The following NNT variants were observed in gnomAD, a reference collection of about 807,000 sequenced individuals.
The protein encoded by NNT is NAD(P) transhydrogenase, mitochondrial.
In NNT, 50 loss-of-function variants were observed where a neutral mutation model predicts 104.8. The observed-to-expected ratio is 0.48, with a 90% CI of 0.38 to 0.60. The LOEUF is 0.60. NNT is among the 20% of genes least tolerant of loss of function. The pLI is 0.00. For missense variants in NNT, 1,131 were observed against 1,330.7 expected (o/e 0.85, Z 2.33); for synonymous variants, 461 against 490.4 (o/e 0.94, Z 0.79).
rs751327935 is a variant in NNT, at chr5:43,700,214, A to G, written c.2972A>G (p.Asp991Gly). ...CCATATGACATTGTGTTGGAAATGG[A>G]TGAGATCAACCATGATTTTCCAGGT... ...GVPYDIVLEMDEINHDFPDTD... is the reference protein window; with the variant it reads ...GVPYDIVLEMGEINHDFPDTD... Residue 991 changes from aspartate (D) to glycine (G), a missense_variant, in exon 20 of 22, where the codon GAT becomes GGT. Transcript: ENST00000344920. 6.2e-7 allele frequency: 1 copy of G among 1,612,938 alleles called. No individual in the cohort carries two copies. Among genetic ancestry groups the G allele is most frequent in the Non-Finnish European group, 8.5e-7 (1 of 1,179,152 alleles).
At chr5:43,667,840 C>A (rs1262500168) in intron 17 of NNT, among the ~76,000 whole-genome samples, 1 of 152,200 alleles carries the variant, frequency 6.6e-6, no homozygotes, top group Non-Finnish European at 1.5e-5. Flanking sequence ...TGAGGAATCG[C>A]CACACTGTCT....
intron 19 of NNT, among the ~76,000 whole-genome samples, chr5:43,679,346 TAGAG>T (rs1302992855): frequency 6.6e-6 from 1 of 152,212 alleles, no homozygotes; most frequent in Non-Finnish European, 1.5e-5. Flanking sequence ...GCAATCATAA[TAGAG>T]AAAGAAAAAT....
intron 19 of NNT, among the ~76,000 whole-genome samples, chr5:43,693,890 G>T (rs1029822692): frequency 2.6e-5 from 4 of 152,062 alleles, no homozygotes; most frequent in African/African-American, 9.7e-5. Context: ...CTGAAGGAAG[G>T]GATGCTGGAT....
chr5:43,609,776 G>T (rs1749410803), intron 2 of NNT, among the ~76,000 whole-genome samples: 1 of 152,166 alleles, frequency 6.6e-6, no homozygotes, highest in Non-Finnish European at 1.5e-5. Flanking sequence ...GATTGCAGTT[G>T]CTCAGGTCAG....
intron 19 of NNT, among the ~76,000 whole-genome samples, chr5:43,689,879 T>G (rs1483834352): frequency 6.6e-6 from 1 of 152,064 alleles, no homozygotes; most frequent in Non-Finnish European, 1.5e-5. Context: ...GCTTTGAGTG[T>G]TTCAGCAATA....
intron 17 of NNT, among the ~76,000 whole-genome samples, chr5:43,675,192 G>C (rs977084686): frequency 2.0e-5 from 3 of 152,078 alleles, no homozygotes; most frequent in Non-Finnish European, 4.4e-5. Context: ...CATTCAGACA[G>C]TAATAAATAG....
chr5:43,623,160 A>G (rs1750183743), intron 5 of NNT, among the ~76,000 whole-genome samples: 1 of 152,172 alleles, frequency 6.6e-6, no homozygotes, highest in Non-Finnish European at 1.5e-5. Context: ...ACTGGAGCAC[A>G]GTCTGACTAG....
intron 7 of NNT, among the ~76,000 whole-genome samples, chr5:43,630,030 G>T (rs567024197): frequency 1.3e-3 from 205 of 152,234 alleles, no homozygotes; most frequent in Middle Eastern, 3.4e-3. Flanking sequence ...CTGGTTCTTG[G>T]TCATGAACTC....
chr5:43,626,243 A>G (rs1010762804), intron 6 of NNT, among the ~76,000 whole-genome samples: 2 of 152,126 alleles, frequency 1.3e-5, no homozygotes, highest in Non-Finnish European at 2.9e-5. Flanking sequence ...TATAACAACT[A>G]TTTACATAAC....
chr5:43,659,641 T>C (rs562186700), intron 17 of NNT, among the ~76,000 whole-genome samples: 1 of 152,010 alleles, frequency 6.6e-6, no homozygotes, highest in Non-Finnish European at 1.5e-5. Flanking sequence ...AGGCAGAGAA[T>C]TGCTTGAACC....
chr5:43,648,304 C>T (rs989831441), intron 10 of NNT: 1 of 958,080 alleles, frequency 1.0e-6, no homozygotes, highest in African/African-American at 1.7e-5. Flanking sequence ...AAAAAGGTAC[C>T]TTATTCAGGA....
At chr5:43,606,945 G>A (rs767415629) in intron 1 of NNT, among the ~76,000 whole-genome samples, 9 of 151,896 alleles carry the variant, frequency 5.9e-5, no homozygotes, top group African/African-American at 9.7e-5. Flanking sequence ...TTTTAAAGAT[G>A]TTTCTTCAAG....
Position 43,702,688 on chromosome 5 carries a change from C to A in NNT, c.3063C>A (p.Asn1021Lys), listed in dbSNP as rs1410518916. The A allele has an allele frequency of 6.2e-7, 1 of 1,612,716 alleles. No homozygotes were observed. Among genetic ancestry groups the A allele is most frequent in the African/African-American group, 1.3e-5 (1 of 74,870 alleles). The change falls in exon 21 of 22, where the codon AAC becomes AAA. Residue 1021 changes from asparagine to lysine, a missense_variant. Coordinates refer to ENST00000344920, the MANE Select transcript of NNT (RefSeq NM_182977.3). ...TVNSAAQEDP[N>K]SIIAGMPVLE... ...ATTCAGCAGCTCAAGAAGATCCCAA[C>A]TCTATTATTGCAGGCATGCCAGTCC...
chr5:43,663,758 A>T (rs1267119693), intron 17 of NNT, among the ~76,000 whole-genome samples: 1 of 152,210 alleles, frequency 6.6e-6, no homozygotes, highest in Non-Finnish European at 1.5e-5. Flanking sequence ...GGTAGGAAAT[A>T]TTATTCTCAT....
intron 7 of NNT, among the ~76,000 whole-genome samples, chr5:43,635,883 TA>T (rs1329606157): frequency 1.3e-5 from 2 of 152,184 alleles, no homozygotes; most frequent in Non-Finnish European, 2.9e-5. Flanking sequence ...TATTGGGGGT[TA>T]GGGCGTCAAC....
rs748186238 is a variant in NNT at position 43,649,359 on chromosome 5, A to G, written c.1606+51A>G. 16 of 1,587,750 alleles carry G rather than the reference A, an allele frequency of 1.0e-5. No individual in the cohort carries two copies. The Middle Eastern group carries it at 5.0e-4, about 50-fold the overall frequency. ...ATCTCAGGTTTTCATAGGGTTACTC[A>G]GCTCTAGGAGGACTATCAATGCCGT... On this transcript the variant is annotated intron_variant, in intron 11 of 21. Transcript: ENST00000344920.
chr5:43,699,972 C>G lies in NNT; in HGVS notation c.2877-147C>G, dbSNP rs899988716. ...GTAAATTGACTATATATCTGGACTA[C>G]TGCTGTTTCATTCTGTAGAGATCAG... On this transcript the variant is annotated intron_variant, in intron 19 of 21. Coordinates refer to ENST00000344920, the MANE Select transcript of NNT (RefSeq NM_182977.3). 3 of 539,452 alleles carry G rather than the reference C, an allele frequency of 5.6e-6. No homozygotes were observed. In the Admixed American group the frequency reaches 8.8e-5, roughly 16 times the overall value. 33.4% of individuals were successfully genotyped at this position (539,452 alleles called of 1,614,324 possible).
At chr5:43,700,078 C>T (rs1742770065) in intron 19 of NNT, 41 bp from the exon 20 acceptor site, 10 of 1,502,182 alleles carry the variant, frequency 6.7e-6, no homozygotes, top group Middle Eastern at 1.7e-4. Flanking sequence ...TACATTATGT[C>T]CTGTCAAGTA....
rs139937233 is a variant in NNT at position 43,609,333 on chromosome 5, G to T, written c.138G>T (p.Ala46=). The change falls in exon 2 of 22, where the codon GCG becomes GCT. Residue 46 remains alanine, a synonymous_variant. Coordinates refer to ENST00000344920, the MANE Select transcript of NNT (RefSeq NM_182977.3). ...CTCACCAAGAACTGTGGTGTAAAGC[G>T]CCTGTAAAACCAGGTAAAGTCTCAC... ...FYTHQELWCK[A]PVKPGIPYKQ... The T allele has an allele frequency of 3.7e-6, 6 of 1,613,578 alleles. No homozygotes were observed. The highest frequency in any genetic ancestry group is 2.2e-5 in the East Asian group (1 of 44,872).
Sources: gnomAD v4.1 joint callset for allele counts (sites outside exome capture counted in the v4.1 genomes callset) on GRCh38, gnomAD v4.1.1 for gene constraint, MANE v1.5 for transcripts, NCBI Gene and HGNC (gene_info 2026-07-23, HGNC 2026-07-21) for gene names.